Variants in ITFG1 observed in about 807,000 individuals in gnomAD.
The protein encoded by ITFG1 is T-cell immunomodulatory protein.
Under a neutral mutation model 81.8 loss-of-function variants are expected in ITFG1, and 34 were observed. That is an observed-to-expected ratio of 0.42 (90% confidence interval 0.32 to 0.55). The LOEUF (loss-of-function observed/expected upper bound fraction) is 0.55, where lower values mean the gene tolerates loss of function less well. Among genes scored for constraint, ITFG1 ranks in the 20% least tolerant of loss-of-function variants. ITFG1 has a pLI of 0.17. For missense variants in ITFG1, 672 were observed against 755.4 expected, an observed-to-expected ratio of 0.89 and a Z score of 1.29; for synonymous variants, 285 against 270.6, an observed-to-expected ratio of 1.05 and a Z score of -0.52.
At chr16:47,301,415 T>G (rs1377602307) in intron 10 of ITFG1, among the ~76,000 whole-genome samples, 2 of 151,924 alleles carry the variant, frequency 1.3e-5, no homozygotes, top group Non-Finnish European at 2.9e-5. Flanking sequence ...TCTTCTTTTT[T>G]TTTTTTTGAG....
Position 47,375,928 on chromosome 16 carries a change from G to A in ITFG1, c.668C>T (p.Thr223Met), listed in dbSNP as rs781224082. 1.1e-5 allele frequency: 18 copies of A among 1,600,948 alleles called. No individual in the cohort carries two copies. Among genetic ancestry groups the A allele is most frequent in the Non-Finnish European group, 1.3e-5 (15 of 1,169,390 alleles). The change falls in exon 7 of 18, where the codon ACG (threonine) becomes ATG (methionine). Residue 223 changes from threonine to methionine, a missense_variant. By Grantham distance (81) the Thr-to-Met change is moderately conservative. This residue lies in a region of ITFG1 where 560 missense variants were observed against 625.7 expected (regional missense o/e 0.90). Transcript: ENST00000320640. ...GGTACTAGTGGTGGCATTCAATGTC[G>A]TCAGGAATAAATCTAGAAGGAAAAA... ...TEDFTADLFLTTLNATTSTFQ... is the reference protein window; with the variant it reads ...TEDFTADLFLMTLNATTSTFQ...
chr16:47,370,453 T>C (rs974864078), intron 7 of ITFG1, among the ~76,000 whole-genome samples: 2 of 152,190 alleles, frequency 1.3e-5, no homozygotes, highest in Admixed American at 6.5e-5. Context: ...AGGTCCCCTG[T>C]CCACTGAGAG....
intron 6 of ITFG1, 108 bp downstream of exon 6, chr16:47,428,696 T>C: frequency 1.3e-6 from 1 of 746,988 alleles, no homozygotes; most frequent in South Asian, 1.6e-5. Flanking sequence ...CCTTTAAACA[T>C]TAATTTCAAC....
At chr16:47,191,806 C>T (rs760885372) in intron 14 of ITFG1, among the ~76,000 whole-genome samples, 6 of 152,286 alleles carry the variant, frequency 3.9e-5, no homozygotes, top group South Asian at 2.1e-4. Context: ...TGAGCCACCG[C>T]GCCTGCCCTT....
chr16:47,413,166 A>G (rs1968832413), intron 6 of ITFG1, among the ~76,000 whole-genome samples: 1 of 152,242 alleles, frequency 6.6e-6, no homozygotes, highest in Admixed American at 6.5e-5. Flanking sequence ...TGGACCTCTC[A>G]GCAGAAACCT....
chr16:47,352,951 C>T (rs112853793), intron 8 of ITFG1, among the ~76,000 whole-genome samples: 8 of 151,894 alleles, frequency 5.3e-5, no homozygotes, highest in Non-Finnish European at 7.4e-5. Context: ...AGCAAACTAT[C>T]GCCAAGGACA....
intron 10 of ITFG1, among the ~76,000 whole-genome samples, chr16:47,269,602 T>C (rs1966315187): frequency 6.7e-6 from 1 of 149,460 alleles, no homozygotes; most frequent in East Asian, 1.9e-4. Context: ...CATTGAAAAC[T>C]AGAAACACTG....
intron 7 of ITFG1, among the ~76,000 whole-genome samples, chr16:47,368,108 C>G (rs992743353): frequency 6.6e-6 from 1 of 151,970 alleles, no homozygotes; most frequent in Admixed American, 6.6e-5. Context: ...TTGGCGGGTG[C>G]CTGTAGTCCC....
At chr16:47,456,545 C>T (rs1208342506) in intron 2 of ITFG1, among the ~76,000 whole-genome samples, 3 of 151,886 alleles carry the variant, frequency 2.0e-5, no homozygotes, top group Admixed American at 6.6e-5. Flanking sequence ...CTACAAAATT[C>T]GCTGGGCGTG....
At chr16:47,209,383 T>G (rs1439275829) in intron 14 of ITFG1, among the ~76,000 whole-genome samples, 2 of 152,180 alleles carry the variant, frequency 1.3e-5, no homozygotes, top group Non-Finnish European at 2.9e-5. Context: ...ATACTGTTAC[T>G]CTATGGAACC....
intron 12 of ITFG1, among the ~76,000 whole-genome samples, chr16:47,240,334 A>G (rs1258681695): frequency 6.6e-6 from 1 of 151,710 alleles, no homozygotes; most frequent in Non-Finnish European, 1.5e-5. Context: ...ATTATTCAAT[A>G]AGTGGTGCTG....
At chr16:47,344,524 A>G (rs1967825627) in intron 8 of ITFG1, among the ~76,000 whole-genome samples, 1 of 152,244 alleles carries the variant, frequency 6.6e-6, no homozygotes, top group Non-Finnish European at 1.5e-5. Flanking sequence ...AAAACTTAAA[A>G]TAATTTATTT....
intron 6 of ITFG1, among the ~76,000 whole-genome samples, chr16:47,381,436 T>G (rs1596945758): frequency 6.6e-6 from 1 of 152,224 alleles, no homozygotes. Context: ...ATAGTAATAG[T>G]TACTATTCAC....
At chr16:47,378,777 A>G (rs1012878660) in intron 6 of ITFG1, among the ~76,000 whole-genome samples, 1 of 152,176 alleles carries the variant, frequency 6.6e-6, no homozygotes, top group Non-Finnish European at 1.5e-5. Flanking sequence ...ATTAATTATT[A>G]GTAATTAAAT....
intron 13 of ITFG1, among the ~76,000 whole-genome samples, chr16:47,229,834 T>TA (rs1440599384): frequency 1.3e-5 from 2 of 152,316 alleles, no homozygotes; most frequent in Non-Finnish European, 2.9e-5. Flanking sequence ...TGAGATCACT[T>TA]AAAGAGTTTA....
At chr16:47,215,439 T>C (rs1277333061) in intron 14 of ITFG1, among the ~76,000 whole-genome samples, 1 of 152,172 alleles carries the variant, frequency 6.6e-6, no homozygotes, top group Non-Finnish European at 1.5e-5. Flanking sequence ...TTTTCTTAAA[T>C]TAAAAAGCAA....
chr16:47,181,420 CCCGGCCAGCCGCCCCGT>C (rs1224392115), intron 14 of ITFG1, among the ~76,000 whole-genome samples: 1 of 146,964 alleles, frequency 6.8e-6, no homozygotes. Context: ...AGCCCCCCCG[CCCGGCCAGCCGCCCCGT>C]CCGGGAGGGA....
intron 17 of ITFG1, among the ~76,000 whole-genome samples, chr16:47,157,970 T>C (rs544350847): frequency 5.9e-5 from 9 of 152,240 alleles, no homozygotes; most frequent in Non-Finnish European, 1.3e-4. Context: ...AGCCTCTTTT[T>C]TCTTTGCATA....
intron 6 of ITFG1, among the ~76,000 whole-genome samples, chr16:47,410,054 G>A (rs1213913584): frequency 6.6e-6 from 1 of 152,120 alleles, no homozygotes; most frequent in African/African-American, 2.4e-5. Context: ...CAAGAGGATC[G>A]TTTGAGCTTA....
Sources: gnomAD v4.1 joint callset for allele counts (sites outside exome capture counted in the v4.1 genomes callset) on GRCh38, gnomAD v4.1.1 for gene constraint, gnomAD v4.1.1 regional missense constraint, MANE v1.5 for transcripts, NCBI Gene and HGNC (gene_info 2026-07-23, HGNC 2026-07-21) for gene names.